EML6: variants seen among roughly 807,000 people sequenced by gnomAD.
The protein encoded by EML6 is EMAP like 6, also known as echinoderm microtubule-associated protein-like 6.
Under a neutral mutation model 240.1 loss-of-function variants are expected in EML6, and 154 were observed. The ratio of observed to expected loss-of-function variants is 0.64; its 90% CI spans 0.56 to 0.73. EML6 has a LOEUF of 0.73. Ranked by LOEUF, EML6 falls within the 30% of genes least tolerant of loss-of-function variation. The pLI is 0.00. For missense variants in EML6, 2,964 were observed against 2,474.6 expected (o/e 1.20, Z -4.20); for synonymous variants, 1,148 against 899.0 (o/e 1.28, Z -4.95).
chr2:54,874,031 A>T (rs967632807), intron 16 of EML6, among the ~76,000 whole-genome samples: 2 of 152,244 alleles, frequency 1.3e-5, no homozygotes, highest in African/African-American at 4.8e-5. Context: ...AGTAATATAA[A>T]TAGAATTTAA....
chr2:54,812,735 A>C (rs1188495213), intron 2 of EML6, among the ~76,000 whole-genome samples: 1 of 152,174 alleles, frequency 6.6e-6, no homozygotes, highest in African/African-American at 2.4e-5. Context: ...AGCAACAGAC[A>C]CAGAAACAGC....
chr2:54,729,291 G>C (rs535065555), intron 2 of EML6, among the ~76,000 whole-genome samples: 1 of 152,320 alleles, frequency 6.6e-6, no homozygotes, highest in Admixed American at 6.5e-5. Flanking sequence ...AGATGAAGGG[G>C]CACCTTGCAC....
chr2:54,889,902 G>A (rs990123142), intron 17 of EML6, among the ~76,000 whole-genome samples: 4 of 152,228 alleles, frequency 2.6e-5, no homozygotes, highest in African/African-American at 9.7e-5. Flanking sequence ...AGCTATTCCA[G>A]TGTGTTCTAT....
At chr2:54,865,074 C>T (rs1458953474) in intron 13 of EML6, among the ~76,000 whole-genome samples, 1 of 152,096 alleles carries the variant, frequency 6.6e-6, no homozygotes, top group African/African-American at 2.4e-5. Context: ...AAATATTATG[C>T]AAACACTAAA....
chr2:54,768,734 A>G (rs1468412019), intron 2 of EML6, among the ~76,000 whole-genome samples: 1 of 152,152 alleles, frequency 6.6e-6, no homozygotes, highest in Middle Eastern at 3.2e-3. Context: ...AAGAAGACAG[A>G]TTACAACATC....
chr2:54,902,772 G>A lies in EML6; in HGVS notation c.3125-272G>A, dbSNP rs188011255. Among the ~76,000 whole-genome samples the A allele has an allele frequency of 3.3e-3, 502 of 152,176 alleles. 2 individuals are homozygous for A. The highest frequency in any genetic ancestry group is 4.8e-3 in the Non-Finnish European group (324 of 68,002). On this transcript the variant is annotated intron_variant, in intron 22 of 41. Coordinates refer to ENST00000356458, the MANE Select transcript of EML6 (RefSeq NM_001039753.4). ...ACTTTTCAACTAATTTTTAACCTAC[G>A]GAATGTGGCCCAGACTGGTCTCGAA...
chr2:54,849,649 C>T (rs914964819), intron 9 of EML6, among the ~76,000 whole-genome samples: 3 of 152,108 alleles, frequency 2.0e-5, no homozygotes, highest in South Asian at 2.1e-4. Flanking sequence ...CCACCACGGC[C>T]GGCTAATTTT....
intron 2 of EML6, among the ~76,000 whole-genome samples, chr2:54,736,866 TAATG>T (rs1317524578): frequency 6.6e-6 from 1 of 152,196 alleles, no homozygotes; most frequent in African/African-American, 2.4e-5. Flanking sequence ...GTCAATCTAA[TAATG>T]AGGAAACAGA....
At chr2:54,800,635 A>C (rs1254574554) in intron 2 of EML6, among the ~76,000 whole-genome samples, 1 of 152,066 alleles carries the variant, frequency 6.6e-6, no homozygotes, top group Non-Finnish European at 1.5e-5. Flanking sequence ...GTCCCTTACC[A>C]CAGCTTCCAT....
At chr2:54,914,955 C>T (rs963306381) in intron 25 of EML6, among the ~76,000 whole-genome samples, 5 of 152,178 alleles carry the variant, frequency 3.3e-5, no homozygotes, top group South Asian at 2.1e-4. Flanking sequence ...CCTCCCCCTT[C>T]GGCTTCCTAA....
chr2:54,743,148 C>T (rs769964063), intron 2 of EML6, among the ~76,000 whole-genome samples: 13 of 152,232 alleles, frequency 8.5e-5, no homozygotes, highest in Non-Finnish European at 1.6e-4. Flanking sequence ...AGCCTATCCC[C>T]GCAGCTCAGG....
chr2:54,879,399 T>C, intron 16 of EML6, 148 bp from the exon 17 acceptor site: 2 of 629,972 alleles, frequency 3.2e-6, no homozygotes, highest in South Asian at 2.0e-5. Flanking sequence ...CATGTATACA[T>C]TGTATAATCA....
rs1676925729 is a variant in EML6 at position 54,970,129 on chromosome 2, T to C, written c.*34T>C. ...AAGCCTCTTATGTTATTGCTGCTGC[T>C]GCTACCAGCCAGCAACTGCAGAGGC... On this transcript the variant is annotated 3_prime_UTR_variant, in exon 42 of 42. Transcript: ENST00000356458. The C allele has an allele frequency of 6.5e-7, 1 of 1,550,340 alleles. No individual in the cohort carries two copies. Among genetic ancestry groups the C allele is most frequent in the Admixed American group, 2.0e-5 (1 of 50,992 alleles).
intron 2 of EML6, among the ~76,000 whole-genome samples, chr2:54,786,436 A>C (rs1405570050): frequency 2.6e-5 from 4 of 152,198 alleles, no homozygotes. Flanking sequence ...GGAGAGCCAA[A>C]GACCACACAA....
At position 54,820,353 on chromosome 2, in the gene EML6, T is replaced by G. The variant is rs961817798; in HGVS notation, c.457-41T>G. 33 of 1,398,796 alleles carry G rather than the reference T, an allele frequency of 2.4e-5. No individual in the cohort carries two copies. In the African/African-American group the frequency reaches 4.3e-4, roughly 18 times the overall value. 86.6% of individuals were successfully genotyped at this position (1,398,796 alleles called of 1,614,324 possible). ...CTAGTATTGGGAAAAGGCAAAAATA[T>G]ACCAAATGATCAACATGGCAACTTT... is the stretch of plus-strand genomic sequence containing the variant. On this transcript the variant is annotated intron_variant, in intron 4 of 41. Coordinates refer to ENST00000356458, the MANE Select transcript of EML6 (RefSeq NM_001039753.4).
At chr2:54,892,820 A>T (rs967246663) in intron 19 of EML6, among the ~76,000 whole-genome samples, 164 bp downstream of exon 19, 2 of 152,196 alleles carry the variant, frequency 1.3e-5, no homozygotes, top group African/African-American at 4.8e-5. Flanking sequence ...GAAAGCAAAG[A>T]TATTTTTATA....
intron 12 of EML6, among the ~76,000 whole-genome samples, chr2:54,860,668 C>T (rs901010827): frequency 6.6e-6 from 1 of 152,210 alleles, no homozygotes; most frequent in Non-Finnish European, 1.5e-5. Flanking sequence ...AAACCTCCCA[C>T]TTCGGGGAGC....
Position 54,725,324 on chromosome 2 carries a change from T to G in EML6, c.197+66T>G. 8.0e-7 allele frequency: 1 copy of G among 1,253,056 alleles called. No individual in the cohort carries two copies. Among genetic ancestry groups the G allele is most frequent in the Non-Finnish European group, 1.1e-6 (1 of 945,986 alleles). The allele number at this position is 1,253,056 out of a possible 1,614,324, so 77.6% of individuals were successfully genotyped here. ...GGAGGCTGGGAAGGTGGGAAGCGGT[T>G]GACCTGGGGTCGGATCCGGGAGCCC... On this transcript the variant is annotated intron_variant, in intron 2 of 41. Transcript: ENST00000356458. The surrounding 1 kb of genome is among the most constrained non-coding windows in gnomAD (Gnocchi z 4.3).
intron 10 of EML6, among the ~76,000 whole-genome samples, chr2:54,850,882 A>G (rs1046785479): frequency 2.6e-5 from 4 of 152,240 alleles, no homozygotes; most frequent in African/African-American, 9.6e-5. Context: ...AAATTAAACT[A>G]GAGCTACTTG....
Sources: allele counts gnomAD v4.1 joint callset (sites outside exome capture counted in the v4.1 genomes callset), GRCh38; gene constraint gnomAD v4.1.1; non-coding constraint Gnocchi (gnomAD v3.1); transcripts MANE v1.5; gene names NCBI Gene and HGNC (gene_info 2026-07-23, HGNC 2026-07-21).